SDK1: variants seen among roughly 807,000 people sequenced by gnomAD.
The protein encoded by SDK1 is sidekick cell adhesion molecule 1.
In SDK1, 157 loss-of-function variants were observed where a neutral mutation model predicts 245.5. The observed-to-expected ratio is 0.64, with a 90% CI of 0.56 to 0.73. The LOEUF is 0.73. Ranked by LOEUF, SDK1 falls within the 30% of genes least tolerant of loss-of-function variation. SDK1 has a pLI of 0.00. For missense variants in SDK1, 3,583 were observed against 3,002.3 expected (o/e 1.19, Z -4.52); for synonymous variants, 1,647 against 1,278.5 (o/e 1.29, Z -6.15).
intron 8 of SDK1, among the ~76,000 whole-genome samples, chr7:3,962,257 TCCTCTGCC>T (rs1419942333): frequency 6.6e-6 from 1 of 152,206 alleles, no homozygotes; most frequent in Non-Finnish European, 1.5e-5. Context: ...CTGTGTCCTG[TCCTCTGCC>T]CCTATGACCC....
chr7:3,790,344 C>T (rs569803068), intron 4 of SDK1, among the ~76,000 whole-genome samples: 4 of 152,280 alleles, frequency 2.6e-5, no homozygotes, highest in East Asian at 1.9e-4. Context: ...TCCCTTTTCC[C>T]GCCCTCCAGT....
chr7:3,368,654 T>A (rs955505403), intron 1 of SDK1, among the ~76,000 whole-genome samples: 1 of 152,108 alleles, frequency 6.6e-6, no homozygotes, highest in Non-Finnish European at 1.5e-5. Flanking sequence ...GCCCTGGGGA[T>A]CTTTATGTGC....
intron 2 of SDK1, among the ~76,000 whole-genome samples, chr7:3,622,897 C>CT (rs923035436): frequency 1.8e-4 from 27 of 149,164 alleles, no homozygotes; most frequent in South Asian, 8.6e-4. Context: ...TCATAGCTTG[C>CT]TTTTTTTTTT....
chr7:3,495,252 CTTTTTTTTTTTTT>C lies in SDK1; in HGVS notation c.299-123817_299-123805del, dbSNP rs71029675. 6.0e-5 allele frequency among the ~76,000 whole-genome samples: 6 copies of C among 99,772 alleles called. No homozygotes were observed. The South Asian group carries it at 1.1e-3, about 18-fold the overall frequency. 65.5% of individuals were successfully genotyped at this position (99,772 alleles called of 152,430 possible). A position where few individuals can be genotyped will look rare whatever the true frequency, so the allele number is the denominator to read the frequency against. ...TTCTGAGCTGGAAAGCATAATGGTT[CTTTTTTTTTTTTT>C]TTTTTTTTTTGAAGCGGAGTCTCGC... On this transcript the variant is annotated intron_variant, in intron 1 of 44. Transcript: ENST00000404826.
chr7:3,478,157 A>G (rs997182554), intron 1 of SDK1, among the ~76,000 whole-genome samples: 1 of 152,144 alleles, frequency 6.6e-6, no homozygotes, highest in African/African-American at 2.4e-5. Context: ...GTTTTCAGGG[A>G]AAATATCCCT....
intron 1 of SDK1, among the ~76,000 whole-genome samples, chr7:3,477,501 G>C (rs1394952771): frequency 6.8e-6 from 1 of 147,220 alleles, no homozygotes; most frequent in African/African-American, 2.5e-5. Flanking sequence ...CTATGGTTTT[G>C]TTTCTTTCTT....
chr7:4,040,126 A>G (rs972527876), intron 17 of SDK1, among the ~76,000 whole-genome samples: 2 of 152,184 alleles, frequency 1.3e-5, no homozygotes, highest in Non-Finnish European at 2.9e-5. Context: ...CTGTCTCACC[A>G]CACTGGGGGC....
chr7:3,363,950 C>G (rs915919303), intron 1 of SDK1, among the ~76,000 whole-genome samples: 1 of 152,172 alleles, frequency 6.6e-6, no homozygotes, highest in Non-Finnish European at 1.5e-5. Flanking sequence ...GTTTCACATC[C>G]TCATCATTAT....
At chr7:3,859,996 T>A (rs1209839332) in intron 5 of SDK1, among the ~76,000 whole-genome samples, 1 of 151,916 alleles carries the variant, frequency 6.6e-6, no homozygotes, top group Non-Finnish European at 1.5e-5. Context: ...CTTGGCTCAC[T>A]GCAAGCTCCA....
chr7:4,080,717 G>C (rs558644861), intron 22 of SDK1, among the ~76,000 whole-genome samples: 5 of 152,084 alleles, frequency 3.3e-5, no homozygotes, highest in African/African-American at 1.2e-4. Context: ...TGGCGTTGAG[G>C]GGGTGGGGAG....
intron 4 of SDK1, among the ~76,000 whole-genome samples, chr7:3,762,817 T>G (rs1422247814): frequency 6.6e-6 from 1 of 152,256 alleles, no homozygotes; most frequent in African/African-American, 2.4e-5. Flanking sequence ...TAGTTTTTGT[T>G]TCCGTAGTAT....
At chr7:3,446,885 G>A (rs552337925) in intron 1 of SDK1, among the ~76,000 whole-genome samples, 1 of 152,034 alleles carries the variant, frequency 6.6e-6, no homozygotes. Flanking sequence ...GTCTTTTTCA[G>A]TTGTTGCCTG....
At chr7:3,582,075 T>C (rs898629154) in intron 1 of SDK1, among the ~76,000 whole-genome samples, 2 of 124,032 alleles carry the variant, frequency 1.6e-5, no homozygotes, top group Non-Finnish European at 3.5e-5. Flanking sequence ...CTCAGGTAGG[T>C]CTCCCTCAGG....
Position 4,174,330 on chromosome 7 carries a change from C to A in SDK1, c.4909C>A (p.Pro1637Thr). 6.2e-7 allele frequency: 1 copy of A among 1,613,882 alleles called. No homozygotes were observed. The highest frequency in any genetic ancestry group is 1.1e-5 in the South Asian group (1 of 91,080). ...CACTGAGGCCAAGACGCTCAAAAACCCTATAGCTTTACATGCTGAGCTCAC... is the reference window on the plus strand; with the variant it reads ...CACTGAGGCCAAGACGCTCAAAAACACTATAGCTTTACATGCTGAGCTCAC... ...SGTEAKTLKN[P>T]IALHAELTAQ... The change falls in exon 33 of 45, where the codon CCT becomes ACT. Residue 1637 changes from proline to threonine, a missense_variant. By Grantham distance (38) the Pro-to-Thr change is conservative. Coordinates refer to ENST00000404826, the MANE Select transcript of SDK1 (RefSeq NM_152744.4).
At chr7:3,419,920 G>GA (rs1405912468) in intron 1 of SDK1, among the ~76,000 whole-genome samples, 1 of 152,148 alleles carries the variant, frequency 6.6e-6, no homozygotes, top group Non-Finnish European at 1.5e-5. Flanking sequence ...AGTAAAATTG[G>GA]AAAATACGCA....
chr7:3,420,444 A>G (rs893503855), intron 1 of SDK1, among the ~76,000 whole-genome samples: 2 of 152,190 alleles, frequency 1.3e-5, no homozygotes, highest in Admixed American at 1.3e-4. Context: ...TTTACTGTAT[A>G]TGAAAGAGAT....
intron 4 of SDK1, among the ~76,000 whole-genome samples, chr7:3,802,036 T>C (rs1779119259): frequency 6.6e-6 from 1 of 152,224 alleles, no homozygotes; most frequent in Admixed American, 6.5e-5. Context: ...CTTTTTACTG[T>C]GAAACTGTAC....
intron 1 of SDK1, among the ~76,000 whole-genome samples, chr7:3,365,804 G>A (rs921061001): frequency 4.3e-5 from 5 of 116,702 alleles, no homozygotes; most frequent in African/African-American, 1.3e-4. Flanking sequence ...AGGCCGAGGT[G>A]GGTGTATCAC....
intron 5 of SDK1, among the ~76,000 whole-genome samples, chr7:3,833,757 A>T (rs760561120): frequency 2.6e-5 from 4 of 152,228 alleles, no homozygotes; most frequent in Non-Finnish European, 5.9e-5. Flanking sequence ...AATAGGCAGT[A>T]TTCTGAGTCT....
Sources: allele counts gnomAD v4.1 joint callset (sites outside exome capture counted in the v4.1 genomes callset), GRCh38; gene constraint gnomAD v4.1.1; transcripts MANE v1.5; gene names NCBI Gene and HGNC (gene_info 2026-07-23, HGNC 2026-07-21).